ERC2: variants seen among roughly 807,000 people sequenced by gnomAD.
The protein encoded by ERC2 is ELKS/RAB6-interacting/CAST family member 2, also known as ERC protein 2.
Under a neutral mutation model 114.8 loss-of-function variants are expected in ERC2, and 42 were observed. The observed-to-expected ratio is 0.37, with a 90% CI of 0.29 to 0.47. The LOEUF (loss-of-function observed/expected upper bound fraction) is 0.47. Ranked by LOEUF, ERC2 falls within the 20% of genes least tolerant of loss-of-function variation. ERC2 has a pLI of 0.99. For synonymous variants in ERC2, 454 were observed against 425.5 expected (o/e 1.07, Z -0.82); for missense variants, 939 against 1,150.7 (o/e 0.82, Z 2.66).
At chr3:55,808,978 T>C (rs2059610482) in intron 14 of ERC2, among the ~76,000 whole-genome samples, 1 of 151,572 alleles carries the variant, frequency 6.6e-6, no homozygotes. Flanking sequence ...AGAAAAATGG[T>C]ATGAACAAGT....
In ERC2 at chr3:56,448,948, G is replaced by A. The variant is rs530076411; in HGVS notation, c.-140-13801C>T. On this transcript the variant is annotated intron_variant, in intron 1 of 17. Transcript: ENST00000288221. ...ACATTAGCCAGGCGTGGTGGCAGGCGCCTGTAGTCCCAGCTACTCGGGAGG... is the reference window on the plus strand; with the variant it reads ...ACATTAGCCAGGCGTGGTGGCAGGCACCTGTAGTCCCAGCTACTCGGGAGG... Among the ~76,000 whole-genome samples, 20 of 151,924 alleles carry A rather than the reference G, an allele frequency of 1.3e-4. No individual in the cohort carries two copies. The East Asian group carries it at 1.4e-3, about 10-fold the overall frequency.
intron 14 of ERC2, 39 bp from the exon 15 acceptor site, chr3:55,734,957 T>TA (rs746130668): frequency 0.047 from 49,844 of 1,050,362 alleles, 1 homozygote; most frequent in South Asian, 0.07. Context: ...TTTTGTAAAA[T>TA]AAAAAAAAAA....
chr3:55,831,158 T>A (rs990338816), intron 14 of ERC2, among the ~76,000 whole-genome samples: 37 of 136,904 alleles, frequency 2.7e-4, no homozygotes, highest in Non-Finnish European at 3.8e-4. Flanking sequence ...AAAAAAAAAA[T>A]TTAATTAGCC....
chr3:56,094,453 C>G (rs2077951146), intron 6 of ERC2, among the ~76,000 whole-genome samples: 1 of 152,146 alleles, frequency 6.6e-6, no homozygotes, highest in African/African-American at 2.4e-5. Flanking sequence ...CAAAACATAC[C>G]CCAGCAGCCC....
chr3:56,040,749 G>A (rs1018859615), intron 7 of ERC2, among the ~76,000 whole-genome samples: 1 of 140,358 alleles, frequency 7.1e-6, no homozygotes, highest in Non-Finnish European at 1.5e-5. Context: ...TATATAGAGA[G>A]AGATATAGAT....
chr3:55,578,989 C>T (rs984052796), intron 17 of ERC2, among the ~76,000 whole-genome samples: 2 of 152,132 alleles, frequency 1.3e-5, no homozygotes, highest in Admixed American at 1.3e-4. Flanking sequence ...GCTCTTGAGG[C>T]TTAGGCTGGG....
intron 7 of ERC2, among the ~76,000 whole-genome samples, chr3:56,029,598 T>A (rs1399038744): frequency 2.6e-5 from 4 of 152,110 alleles, no homozygotes; most frequent in Admixed American, 2.6e-4. Context: ...TACTAAACTG[T>A]CATATTTATG....
intron 14 of ERC2, among the ~76,000 whole-genome samples, chr3:55,778,417 A>C (rs1559640051): frequency 6.6e-6 from 1 of 152,192 alleles, no homozygotes; most frequent in South Asian, 2.1e-4. Context: ...CATGTATTTC[A>C]CTAGACATAA....
rs1180321422 is a variant in ERC2, at chr3:55,630,551, G to A, written c.*39+53243C>T. On this transcript the variant is annotated intron_variant, in intron 17 of 17. Transcript: ENST00000288221. ...TGGGGAGAAAGGGGAGATTACACTG[G>A]TACTTTTTGCAGATTATACTGGTAC... Among the ~76,000 whole-genome samples, 3 of 152,152 alleles carry A rather than the reference G, an allele frequency of 2.0e-5. No homozygotes were observed. The South Asian group carries it at 6.2e-4, about 32-fold the overall frequency.
intron 4 of ERC2, among the ~76,000 whole-genome samples, chr3:56,168,573 C>T (rs2082445477): frequency 6.6e-6 from 1 of 152,112 alleles, no homozygotes; most frequent in African/African-American, 2.4e-5. Flanking sequence ...TTGGGTTGTG[C>T]TGAGTAGTCT....
chr3:55,673,832 G>T (rs1206008508), intron 17 of ERC2, among the ~76,000 whole-genome samples: 2 of 132,434 alleles, frequency 1.5e-5, no homozygotes, highest in Admixed American at 1.6e-4. Flanking sequence ...TTTTTTAGTA[G>T]AGTGATTTGT....
At chr3:56,284,775 T>G (rs2054566781) in intron 3 of ERC2, among the ~76,000 whole-genome samples, 1 of 152,112 alleles carries the variant, frequency 6.6e-6, no homozygotes. Flanking sequence ...TGTCTTTTAT[T>G]TTCACAAAGT....
At chr3:55,890,471 C>T (rs189721452) in intron 13 of ERC2, among the ~76,000 whole-genome samples, 3 of 152,290 alleles carry the variant, frequency 2.0e-5, no homozygotes, top group African/African-American at 7.2e-5. Context: ...TCTCATTCAT[C>T]GAAGCTGATC....
intron 17 of ERC2, among the ~76,000 whole-genome samples, chr3:55,601,785 C>A (rs2058418348): frequency 6.6e-6 from 1 of 152,212 alleles, no homozygotes; most frequent in South Asian, 2.1e-4. Context: ...CATGTTCACA[C>A]CACTGCACTC....
intron 17 of ERC2, among the ~76,000 whole-genome samples, chr3:55,636,305 C>A (rs2059955862): frequency 6.6e-6 from 1 of 152,194 alleles, no homozygotes; most frequent in African/African-American, 2.4e-5. Flanking sequence ...GCTGACAGTG[C>A]AGAGTCTGGA....
chr3:55,799,450 CATATAT>C (rs59209006), intron 14 of ERC2, among the ~76,000 whole-genome samples: 67 of 106,158 alleles, frequency 6.3e-4, no homozygotes, highest in African/African-American at 2.1e-3. Flanking sequence ...TATATATATG[CATATAT>C]ATATATATAT....
At chr3:56,358,538 G>A (rs1272895572) in intron 2 of ERC2, among the ~76,000 whole-genome samples, 1 of 152,216 alleles carries the variant, frequency 6.6e-6, no homozygotes, top group Non-Finnish European at 1.5e-5. Context: ...TAGTCAGTGT[G>A]GTACGTAATG....
At chr3:56,170,409 T>C (rs1354356963) in intron 4 of ERC2, among the ~76,000 whole-genome samples, 1 of 152,106 alleles carries the variant, frequency 6.6e-6, no homozygotes, top group Non-Finnish European at 1.5e-5. Flanking sequence ...TGGATCTAAA[T>C]AGTGCTTGAA....
intron 13 of ERC2, among the ~76,000 whole-genome samples, chr3:55,932,921 A>G (rs1376961191): frequency 1.3e-5 from 2 of 152,258 alleles, no homozygotes; most frequent in Admixed American, 6.5e-5. Flanking sequence ...TGAAGAATAA[A>G]GAAAGCACTG....
Sources: allele counts gnomAD v4.1 joint callset (sites outside exome capture counted in the v4.1 genomes callset), GRCh38; gene constraint gnomAD v4.1.1; transcripts MANE v1.5; gene names NCBI Gene and HGNC (gene_info 2026-07-23, HGNC 2026-07-21).